Variants in ZNF362 observed in about 807,000 individuals in gnomAD.
ZNF362 encodes zinc finger protein 362.
In ZNF362, 11 loss-of-function variants were observed where a neutral mutation model predicts 42.9. That is an observed-to-expected ratio of 0.26 (90% CI 0.16 to 0.42). The LOEUF is 0.42. Ranked by LOEUF, ZNF362 falls within the 20% of genes least tolerant of loss-of-function variation. The pLI, the probability that ZNF362 is intolerant of heterozygous loss-of-function variation, is 1.00. For missense variants in ZNF362, 362 were observed against 576.2 expected (o/e 0.63, Z 3.81); for synonymous variants, 255 against 257.3 (o/e 0.99, Z 0.09).
chr1:33,212,533 C>T, the ZNF362 span, among the ~76,000 whole-genome samples: 3 of 152,088 alleles, frequency 2.0e-5, no homozygotes, highest in African/African-American at 7.2e-5. Flanking sequence ...GCAGGCTGTA[C>T]AGGAAGCATG....
chr1:33,225,451 A>T, the ZNF362 span, among the ~76,000 whole-genome samples: 2 of 152,184 alleles, frequency 1.3e-5, no homozygotes, highest in Non-Finnish European at 2.9e-5. Context: ...ATGTATTTAA[A>T]ATAACTACAG....
At chr1:33,189,805 GA>G in the ZNF362 span, among the ~76,000 whole-genome samples, 3 of 149,464 alleles carry the variant, frequency 2.0e-5, no homozygotes, top group South Asian at 6.4e-4. Context: ...TACAGATTAA[GA>G]AACCGATGTG....
Position 33,295,139 on chromosome 1 carries a change from C to T in ZNF362, c.988-8C>T, listed in dbSNP as rs747516381. 1.0e-4 allele frequency: 167 copies of T among 1,613,640 alleles called. No homozygotes were observed. The highest frequency in any genetic ancestry group is 1.4e-4 in the Non-Finnish European group (165 of 1,179,786). On this transcript the variant is annotated splice_region_variant and splice_polypyrimidine_tract_variant and intron_variant, in intron 7 of 8. Transcript: ENST00000539719. ...TTCCTCTCCTGACCCCCTGCTGTGC[C>T]CCTACAGTCTCACCAGCGCCAGCAC...
chr1:33,149,161 T>G, the ZNF362 span, among the ~76,000 whole-genome samples: 19 of 152,270 alleles, frequency 1.2e-4, no homozygotes, highest in African/African-American at 3.9e-4. Flanking sequence ...TTTTTCTTAT[T>G]TATTTATTGG....
the ZNF362 span, among the ~76,000 whole-genome samples, chr1:33,213,413 A>G: frequency 6.6e-6 from 1 of 152,228 alleles, no homozygotes; most frequent in Non-Finnish European, 1.5e-5. Context: ...TTGTATTTCA[A>G]TAAATCAGTT....
the ZNF362 span, among the ~76,000 whole-genome samples, chr1:33,200,927 A>G: frequency 6.6e-6 from 1 of 152,200 alleles, no homozygotes; most frequent in Non-Finnish European, 1.5e-5. Flanking sequence ...TTGGACACAG[A>G]CAAGGTACAG....
At chr1:33,274,652 T>C (rs1478012582) in intron 2 of ZNF362, among the ~76,000 whole-genome samples, 1 of 152,100 alleles carries the variant, frequency 6.6e-6, no homozygotes, top group Non-Finnish European at 1.5e-5. Flanking sequence ...GAGTGAGGGG[T>C]AAGGACATTT....
the ZNF362 span, among the ~76,000 whole-genome samples, chr1:33,187,330 C>A: frequency 6.6e-6 from 1 of 152,214 alleles, no homozygotes; most frequent in Non-Finnish European, 1.5e-5. Context: ...AATGGCAGGG[C>A]ATTGACAGTA....
intron 3 of ZNF362, 70 bp downstream of exon 3, chr1:33,276,233 C>G (rs1645945194): frequency 2.5e-6 from 4 of 1,600,846 alleles, no homozygotes; most frequent in Non-Finnish European, 3.4e-6. Context: ...TGGGTTTTGG[C>G]TGTGGCCTGC....
the ZNF362 span, among the ~76,000 whole-genome samples, chr1:33,243,034 T>C: frequency 4.6e-5 from 7 of 152,286 alleles, no homozygotes; most frequent in South Asian, 1.5e-3. Context: ...TTTTTCGCAA[T>C]GACAATGTAT....
chr1:33,234,783 C>T, the ZNF362 span, among the ~76,000 whole-genome samples: 2 of 152,312 alleles, frequency 1.3e-5, no homozygotes, highest in South Asian at 2.1e-4. Flanking sequence ...GTCGGGTCCA[C>T]GTACTCTGAG....
intron 1 of ZNF362, among the ~76,000 whole-genome samples, chr1:33,264,962 G>A (rs1011248889): frequency 6.6e-6 from 1 of 152,010 alleles, no homozygotes; most frequent in African/African-American, 2.4e-5. Context: ...CTGAATATAT[G>A]TTATATTTCA....
upstream of ZNF362, among the ~76,000 whole-genome samples, chr1:33,252,505 G>A (rs886310099): frequency 3.3e-5 from 5 of 152,346 alleles, no homozygotes; most frequent in East Asian, 9.6e-4. Context: ...AGTGACTAAA[G>A]TAGAGAAACC....
At chr1:33,138,532 G>C in the ZNF362 span, among the ~76,000 whole-genome samples, 1 of 150,520 alleles carries the variant, frequency 6.6e-6, no homozygotes, top group African/African-American at 2.5e-5. Flanking sequence ...CCCAATAATA[G>C]TCCTAGCTAG....
chr1:33,250,928 A>G, the ZNF362 span, among the ~76,000 whole-genome samples: 1 of 143,118 alleles, frequency 7.0e-6, no homozygotes, highest in Non-Finnish European at 1.5e-5. Flanking sequence ...GATGCTTGAG[A>G]GCGTTTTTAG....
chr1:33,207,238 A>G, the ZNF362 span, among the ~76,000 whole-genome samples: 17 of 152,020 alleles, frequency 1.1e-4, no homozygotes, highest in Admixed American at 6.6e-4. Context: ...GCTGATAATG[A>G]TGGTTTCCAG....
At chr1:33,129,363 G>A in the ZNF362 span, among the ~76,000 whole-genome samples, 2 of 152,176 alleles carry the variant, frequency 1.3e-5, no homozygotes, top group Admixed American at 6.6e-5. The surrounding 1 kb of genome is among the most constrained non-coding windows in gnomAD (Gnocchi z 4.1). Context: ...ATTCTCTTCT[G>A]ATAAGCAACT....
intron 1 of ZNF362, among the ~76,000 whole-genome samples, chr1:33,258,256 T>G (rs1309008156): frequency 6.6e-6 from 1 of 152,162 alleles, no homozygotes; most frequent in Non-Finnish European, 1.5e-5. Flanking sequence ...GAGGGGGATC[T>G]GAAGGCCAGG....
chr1:33,186,462 A>AATC, the ZNF362 span, among the ~76,000 whole-genome samples: 1 of 151,938 alleles, frequency 6.6e-6, no homozygotes, highest in Non-Finnish European at 1.5e-5. Context: ...AGTGCTAGTG[A>AATC]ATCAACAATT....
Sources: gnomAD v4.1 joint callset for allele counts (sites outside exome capture counted in the v4.1 genomes callset) on GRCh38, gnomAD v4.1.1 for gene constraint, Gnocchi (gnomAD v3.1) non-coding constraint, MANE v1.5 for transcripts, NCBI Gene and HGNC (gene_info 2026-07-23, HGNC 2026-07-21) for gene names.